SLC25A42: variants seen among roughly 807,000 people sequenced by gnomAD.
SLC25A42 encodes the protein solute carrier family 25 member 42.
Under a neutral mutation model 34.7 loss-of-function variants are expected in SLC25A42, and 19 were observed. The ratio of observed to expected loss-of-function variants is 0.55; its 90% CI spans 0.38 to 0.80. The LOEUF (loss-of-function observed/expected upper bound fraction) is 0.80. SLC25A42 is among the 30% of genes least tolerant of loss of function. The probability of loss-of-function intolerance (pLI) is 0.00; values close to 1 mark genes in which losing one functional copy is unlikely to be tolerated. For synonymous variants in SLC25A42, 205 were observed against 191.2 expected (o/e 1.07, Z -0.59); for missense variants, 364 against 441.3 (o/e 0.82, Z 1.57).
At chr19:19,103,885 C>CTTATTTATTTATTTAT (rs3040514) in intron 3 of SLC25A42, among the ~76,000 whole-genome samples, 1 of 148,410 alleles carries the variant, frequency 6.7e-6, no homozygotes, top group African/African-American at 2.5e-5. Flanking sequence ...AAGGGACAGC[C>CTTATTTATTTATTTAT]TTATTTATTT....
At chr19:19,093,289 TCCAGGTGCGTGCCA>T (rs1211815896) in intron 1 of SLC25A42, among the ~76,000 whole-genome samples, 1 of 152,152 alleles carries the variant, frequency 6.6e-6, no homozygotes, top group East Asian at 1.9e-4. Flanking sequence ...GTGCTGGGAT[TCCAGGTGCGTGCCA>T]CCACGCCCAG....
At chr19:19,101,958 C>G in intron 3 of SLC25A42, 72 bp downstream of exon 3, 1 of 950,896 alleles carries the variant, frequency 1.1e-6, no homozygotes, top group South Asian at 1.5e-5. Context: ...GCCCCCAAAC[C>G]ACGCTTCAAA....
chr19:19,091,630 G>A (rs528685102), intron 1 of SLC25A42, among the ~76,000 whole-genome samples: 12 of 151,976 alleles, frequency 7.9e-5, no homozygotes, highest in Non-Finnish European at 1.6e-4. Context: ...GAATCCCAGC[G>A]CTTTGGGAGG....
intron 6 of SLC25A42, among the ~76,000 whole-genome samples, chr19:19,107,316 C>A (rs199556478): frequency 8.0e-3 from 1,056 of 131,456 alleles, no homozygotes; most frequent in Admixed American, 8.7e-3. Flanking sequence ...ACCCTGTCTC[C>A]AAAAAAAAAA....
chr19:19,097,457 C>G lies in SLC25A42; in HGVS notation c.81+1252C>G, dbSNP rs562990028. Among the ~76,000 whole-genome samples the G allele has an allele frequency of 1.1e-4, 17 of 152,342 alleles. No individual in the cohort carries two copies. In the East Asian group the frequency reaches 3.3e-3, roughly 29 times the overall value. On this transcript the variant is annotated intron_variant, in intron 2 of 7. Coordinates refer to ENST00000318596, the MANE Select transcript of SLC25A42 (RefSeq NM_178526.5). ...TGCATGCCGGAGAGGAGGGGGTCTGCAACGTGGATCCCACCACGTGGACAA... is the reference window on the plus strand; with the variant it reads ...TGCATGCCGGAGAGGAGGGGGTCTGGAACGTGGATCCCACCACGTGGACAA...
rs1240351262 is a variant in SLC25A42, at chr19:19,064,059, G to GGGGGGCGCC, written c.-85_-77dup. ...CGCGTCCGGGCCGGTGAGGGGGCGC[G>GGGGGGCGCC]GGGGGCGCCGGGGGGGCCCAAGCGT... On this transcript the variant is annotated 5_prime_UTR_variant, in exon 1 of 8. Coordinates refer to ENST00000318596, the MANE Select transcript of SLC25A42 (RefSeq NM_178526.5). The GGGGGGCGCC allele has an allele frequency of 6.6e-6, 1 of 152,610 alleles. No homozygotes were observed. Among genetic ancestry groups the GGGGGGCGCC allele is most frequent in the Non-Finnish European group, 1.5e-5 (1 of 68,260 alleles). The allele number at this position is 152,610 out of a possible 1,614,324, so 9.5% of individuals were successfully genotyped here.
At chr19:19,076,180 C>T (rs1477632704) in intron 1 of SLC25A42, among the ~76,000 whole-genome samples, 1 of 152,062 alleles carries the variant, frequency 6.6e-6, no homozygotes, top group Admixed American at 6.6e-5. Context: ...CAGGTATTCT[C>T]GGCCAGGTGT....
At position 19,099,963 on chromosome 19, in the gene SLC25A42, C is replaced by G. The variant is rs182216445; in HGVS notation, c.82-1818C>G. On this transcript the variant is annotated intron_variant, in intron 2 of 7. Transcript: ENST00000318596. ...CGCTGGTCTCGAACTCCTGACCTCA[C>G]GTGATCTGCCCGCCTCGGCCTCCCA... Among the ~76,000 whole-genome samples the G allele has an allele frequency of 7.9e-4, 120 of 151,728 alleles. 1 individual carries two copies. In the Middle Eastern group the frequency reaches 0.014, roughly 17 times the overall value.
rs534962674 is a variant in SLC25A42 at position 19,112,685 on chromosome 19, G to A, written c.*1809G>A. The stretch of plus-strand genomic sequence containing the variant: ...GATGGCTCCTAGCTGAGTGGGACCC[G>A]GCAGGAGTTGGGGACAGTGCTGTCC... On this transcript the variant is annotated 3_prime_UTR_variant, in exon 8 of 8. Transcript: ENST00000318596. This position sits in a 1 kb window ranked among gnomAD's most constrained non-coding sequence, Gnocchi z 4.3. 319 of 152,758 alleles carry A rather than the reference G, an allele frequency of 2.1e-3. 4 individuals are homozygous for A. Among genetic ancestry groups the A allele is most frequent in the Non-Finnish European group, 3.5e-4 (24 of 68,100 alleles). The allele number at this position is 152,758 out of a possible 1,614,324, so 9.5% of individuals were successfully genotyped here.
At chr19:19,070,895 T>C (rs979708616) in intron 1 of SLC25A42, among the ~76,000 whole-genome samples, 1 of 152,056 alleles carries the variant, frequency 6.6e-6, no homozygotes, top group African/African-American at 2.4e-5. Flanking sequence ...AGATGGCTCA[T>C]GTTGGCAGCT....
intron 3 of SLC25A42, among the ~76,000 whole-genome samples, chr19:19,103,885 C>CTTAT (rs3040514): frequency 0.058 from 8,628 of 148,418 alleles, 638 homozygotes; most frequent in African/African-American, 0.18. Context: ...AAGGGACAGC[C>CTTAT]TTATTTATTT....
At chr19:19,102,575 C>G (rs1394651877) in intron 3 of SLC25A42, among the ~76,000 whole-genome samples, 1 of 151,898 alleles carries the variant, frequency 6.6e-6, no homozygotes, top group Admixed American at 6.6e-5. Context: ...GAAACCCCGC[C>G]TCTACTAAAA....
chr19:19,095,323 A>G (rs896583282), intron 1 of SLC25A42, among the ~76,000 whole-genome samples: 6 of 150,068 alleles, frequency 4.0e-5, no homozygotes, highest in Non-Finnish European at 8.9e-5. Flanking sequence ...GGGTGGGGGA[A>G]AAAAAAAAGG....
intron 3 of SLC25A42, among the ~76,000 whole-genome samples, chr19:19,104,283 C>T (rs1360137291): frequency 6.6e-6 from 1 of 152,154 alleles, no homozygotes; most frequent in Non-Finnish European, 1.5e-5. Context: ...GGGGTTCAAC[C>T]CTTGAGGCAG....
rs111792120 is a variant in SLC25A42 at position 19,068,837 on chromosome 19, CAAAT to C, written c.-35+4759_-35+4762del. Among the ~76,000 whole-genome samples the C allele has an allele frequency of 4.5e-3, 618 of 137,538 alleles. 4 individuals are homozygous for C. Among genetic ancestry groups the C allele is most frequent in the South Asian group, 6.8e-3 (28 of 4,096 alleles). The allele number at this position is 137,538 out of a possible 152,430, so 90.2% of individuals were successfully genotyped here. A position where few individuals can be genotyped will look rare whatever the true frequency, so the allele number is the denominator to read the frequency against. On this transcript the variant is annotated intron_variant, in intron 1 of 7. Coordinates refer to ENST00000318596, the MANE Select transcript of SLC25A42 (RefSeq NM_178526.5). ...TGGGTGACAGAGCGACACTCAGTCT[CAAAT>C]AAATAAATAAATAAATAAATAAATA...
At chr19:19,096,254 T>TGGGCCCCCCCCCCC in intron 2 of SLC25A42, 49 bp downstream of exon 2, 9 of 1,456,540 alleles carry the variant, frequency 6.2e-6, no homozygotes, top group Admixed American at 1.8e-5. Context: ...GGCCCCAGCC[T>TGGGCCCCCCCCCCC]CCCCACCCCC....
intron 3 of SLC25A42, among the ~76,000 whole-genome samples, chr19:19,103,324 G>C (rs1334092047): frequency 6.6e-6 from 1 of 152,088 alleles, no homozygotes; most frequent in Non-Finnish European, 1.5e-5. Flanking sequence ...TGAATTCCTA[G>C]CCTCAAGTGA....
intron 6 of SLC25A42, chr19:19,106,884 G>A (rs1223850237): frequency 7.3e-6 from 1 of 136,442 alleles, no homozygotes; most frequent in African/African-American, 2.8e-5. Context: ...AGCGAGCCGA[G>A]ATCGAGCCAC....
chr19:19,100,836 C>G (rs2059792682), intron 2 of SLC25A42, among the ~76,000 whole-genome samples: 2 of 152,182 alleles, frequency 1.3e-5, no homozygotes, highest in African/African-American at 4.8e-5. Flanking sequence ...TTCGCAGATT[C>G]CTGGGAGTCA....
Sources: gnomAD v4.1 joint callset for allele counts (sites outside exome capture counted in the v4.1 genomes callset) on GRCh38, gnomAD v4.1.1 for gene constraint, Gnocchi (gnomAD v3.1) non-coding constraint, MANE v1.5 for transcripts, NCBI Gene and HGNC (gene_info 2026-07-23, HGNC 2026-07-21) for gene names.